The following AMPD3 variants were observed in gnomAD, a reference collection of about 807,000 sequenced individuals.
AMPD3 encodes AMP deaminase 3.
AMPD3 carries 57 observed loss-of-function variants against 82.3 expected under a neutral mutation model. The ratio of observed to expected loss-of-function variants is 0.69; its 90% CI spans 0.56 to 0.86. The LOEUF is 0.86. Ranked by LOEUF, AMPD3 falls within the 40% of genes least tolerant of loss-of-function variation. AMPD3 has a pLI of 0.00. For synonymous variants in AMPD3, 381 were observed against 394.7 expected (o/e 0.97, Z 0.41); for missense variants, 870 against 1,003.8 (o/e 0.87, Z 1.80).
chr11:10,505,733 A>G lies in AMPD3; in HGVS notation c.2153A>G (p.Asn718Ser). The change falls in exon 15 of 15, where the codon AAT becomes AGT. Residue 718 changes from asparagine (N) to serine (S), a missense_variant. Physicochemically the swap from Asn to Ser is conservative, Grantham distance 46. Coordinates refer to ENST00000396553, the MANE Select transcript of AMPD3 (RefSeq NM_001025389.2). ...GAAAAGCAAAAGTTTCTGGGACAAA[A>G]TTATTATAAAGAAGGACCTGAAGGA... ...HQEKQKFLGQNYYKEGPEGND... is the reference protein window; with the variant it reads ...HQEKQKFLGQSYYKEGPEGND... 1.2e-6 allele frequency: 2 copies of G among 1,614,026 alleles called. No individual in the cohort carries two copies. Among genetic ancestry groups the G allele is most frequent in the African/African-American group, 2.7e-5 (2 of 75,050 alleles).
rs368739491 is a variant in AMPD3, at chr11:10,455,380, C to T, written c.-74C>T. The T allele has an allele frequency of 1.0e-6, 1 of 985,296 alleles. No homozygotes were observed. The highest frequency in any genetic ancestry group is 1.2e-6 in the Non-Finnish European group (1 of 829,970). 61.0% of individuals were successfully genotyped at this position (985,296 alleles called of 1,614,324 possible). A position where few individuals can be genotyped will look rare whatever the true frequency, so the allele number is the denominator to read the frequency against. On this transcript the variant is annotated 5_prime_UTR_variant, in exon 1 of 15. Coordinates refer to ENST00000396553, the MANE Select transcript of AMPD3 (RefSeq NM_001025389.2). Reference sequence around the variant, plus strand: ...GGTCACTTGAGGCAGGCTCCACCTTCCCCAGGAGGAGTGGCAGAGTCCAGC... The same window carrying T: ...GGTCACTTGAGGCAGGCTCCACCTTTCCCAGGAGGAGTGGCAGAGTCCAGC...
intron 4 of AMPD3, 47 bp downstream of exon 4, chr11:10,482,272 A>T (rs1302597300): frequency 1.9e-6 from 3 of 1,598,770 alleles, no homozygotes; most frequent in Non-Finnish European, 2.6e-6. Context: ...GGGCAGACCG[A>T]GAGCTAGTCA....
At chr11:10,504,214 T>C in intron 13 of AMPD3, 1 of 985,240 alleles carries the variant, frequency 1.0e-6, no homozygotes, top group Non-Finnish European at 1.2e-6. Context: ...AAAGAAAAGC[T>C]AGAGGGCAAG....
chr11:10,500,549 G>T, intron 11 of AMPD3: 1 of 949,152 alleles, frequency 1.1e-6, no homozygotes, highest in Non-Finnish European at 1.3e-6. Context: ...ACATTTATAT[G>T]TACACACACC....
At chr11:10,505,582 CCTGACCAAAGAT>C in intron 14 of AMPD3, 114 bp from the exon 15 acceptor site, 1 of 1,514,306 alleles carries the variant, frequency 6.6e-7, no homozygotes. Flanking sequence ...GATAAGATGT[CCTGACCAAAGAT>C]CTGCTTCAGG....
At chr11:10,457,033 G>T (rs1027513342) in intron 1 of AMPD3, among the ~76,000 whole-genome samples, 2 of 147,212 alleles carry the variant, frequency 1.4e-5, no homozygotes, top group Non-Finnish European at 3.0e-5. Context: ...GCTGGAGTAC[G>T]GTGGTGCCAT....
intron 11 of AMPD3, 113 bp from the exon 12 acceptor site, chr11:10,501,356 CA>C: frequency 6.6e-7 from 1 of 1,519,926 alleles, no homozygotes; most frequent in Non-Finnish European, 8.8e-7. Flanking sequence ...TGGGTCAGCA[CA>C]GCTGACCATG....
In AMPD3 at chr11:10,484,951, C is replaced by A. The variant is rs1209559684; in HGVS notation, c.721C>A (p.Gln241Lys). ...TGATAACAAGAAGATGCTGGAGCAC[C>A]AGGAGCCGCACAGCCTACCCTACCC... ...VYDNKKMLEHQEPHSLPYPDL... is the reference protein window; with the variant it reads ...VYDNKKMLEHKEPHSLPYPDL... The change falls in exon 5 of 15, where the codon CAG becomes AAG. Residue 241 changes from glutamine (Q) to lysine (K), a missense_variant. By Grantham distance (53) the Gln-to-Lys change is moderately conservative. Coordinates refer to ENST00000396553, the MANE Select transcript of AMPD3 (RefSeq NM_001025389.2). 6 of 1,613,938 alleles carry A rather than the reference C, an allele frequency of 3.7e-6. No homozygotes were observed. Among genetic ancestry groups the A allele is most frequent in the Non-Finnish European group, 3.4e-6 (4 of 1,180,026 alleles).
rs753780705 is a variant in AMPD3, at chr11:10,500,120, A to C, written c.1592A>C (p.Lys531Thr). ...TTTGACAGCGTGGATGATGAGTCCA[A>C]GCACAGCGACCACATGTTTTCCGAC... The part of the protein sequence containing the change: ...TGFDSVDDES[K>T]HSDHMFSDKS... Residue 531 changes from lysine (K) to threonine (T), a missense_variant, in exon 11 of 15, where the codon AAG becomes ACG. Transcript: ENST00000396553. 1.9e-6 allele frequency: 3 copies of C among 1,614,150 alleles called. No individual in the cohort carries two copies. In the South Asian group the frequency reaches 3.3e-5, roughly 18 times the overall value.
chr11:10,500,341 T>G, intron 11 of AMPD3, 92 bp downstream of exon 11: 2 of 1,498,934 alleles, frequency 1.3e-6, no homozygotes, highest in South Asian at 2.3e-5. Context: ...ATGTGATCCT[T>G]GTGTCCGTGT....
chr11:10,494,907 G>C lies in AMPD3; in HGVS notation c.1143G>C (p.Gln381His). ...VDSLDVHAGR[Q>H]TFHRFDKFNS... The stretch of plus-strand genomic sequence containing the variant: ...GTGGTCTCCCCCCTCAGGGCCGGCA[G>C]ACATTCCACCGCTTTGACAAGTTCA... Residue 381 changes from glutamine (Q) to histidine (H), a missense_variant, in exon 8 of 15, where the codon CAG becomes CAC. Transcript: ENST00000396553. 6.2e-7 allele frequency: 1 copy of C among 1,614,178 alleles called. No individual in the cohort carries two copies. The highest frequency in any genetic ancestry group is 8.5e-7 in the Non-Finnish European group (1 of 1,180,004).
chr11:10,485,035 C>T lies in AMPD3; in HGVS notation c.805C>T (p.Pro269Ser), dbSNP rs751512356. 9.3e-6 allele frequency: 15 copies of T among 1,612,916 alleles called. No individual in the cohort carries two copies. The highest frequency in any genetic ancestry group is 1.3e-5 in the Non-Finnish European group (15 of 1,179,732). ...CATCCTGGCTCTCATCACCGATGGC[C>T]CCACGTAAGCTAGCTTCTCCGCGGC... The part of the protein sequence containing the change: ...SHILALITDG[P>S]TKTYCHRRLN... Residue 269 changes from proline (P) to serine (S), a missense_variant, in exon 5 of 15, where the codon CCC becomes TCC. Pro to Ser is a moderately conservative substitution (Grantham distance 74). Coordinates refer to ENST00000396553, the MANE Select transcript of AMPD3 (RefSeq NM_001025389.2).
intron 1 of AMPD3, among the ~76,000 whole-genome samples, chr11:10,458,993 G>A (rs1848181277): frequency 6.6e-6 from 1 of 152,066 alleles, no homozygotes; most frequent in South Asian, 2.1e-4. Context: ...AGCCTCCTGG[G>A]TCTGGTTCTT....
At chr11:10,486,286 C>A (rs1849067245) in intron 5 of AMPD3, among the ~76,000 whole-genome samples, 2 of 152,216 alleles carry the variant, frequency 1.3e-5, no homozygotes, top group African/African-American at 4.8e-5. Context: ...TGTGCTGTTG[C>A]AGTGCCGGCA....
At chr11:10,467,456 C>A (rs911099886) in intron 2 of AMPD3, among the ~76,000 whole-genome samples, 1 of 151,720 alleles carries the variant, frequency 6.6e-6, no homozygotes, top group Non-Finnish European at 1.5e-5. Flanking sequence ...AATAAGAAGA[C>A]AAGATAAGAG....
intron 9 of AMPD3, chr11:10,496,198 A>G (rs1243296358): frequency 2.0e-6 from 2 of 984,836 alleles, no homozygotes; most frequent in East Asian, 2.3e-4. Flanking sequence ...TACAGGTGTG[A>G]GCCACTGCAT....
At chr11:10,487,157 C>T (rs889400730) in intron 5 of AMPD3, 78 bp from the exon 6 acceptor site, 3 of 1,605,890 alleles carry the variant, frequency 1.9e-6, no homozygotes, top group Non-Finnish European at 2.6e-6. Context: ...AGGGTTGGCC[C>T]CTGCAGATGC....
chr11:10,465,448 T>A lies in AMPD3; in HGVS notation c.221+3708T>A, dbSNP rs573355846. On this transcript the variant is annotated intron_variant, in intron 2 of 14. Transcript: ENST00000396553. ...GGCAAGATGGCCAATTAGGAACATC[T>A]CCGGTCTGCAGCTCCCAGTGAGATC... is the stretch of plus-strand genomic sequence containing the variant. 1.3e-3 allele frequency among the ~76,000 whole-genome samples: 205 copies of A among 152,348 alleles called. 1 individual carries two copies. The highest frequency in any genetic ancestry group is 1.1e-3 in the Non-Finnish European group (76 of 68,038).
rs771210624 is a variant in AMPD3 at position 10,500,246 on chromosome 11, G to A, written c.1718G>A (p.Arg573His). The A allele has an allele frequency of 2.4e-5, 38 of 1,614,046 alleles. No individual in the cohort carries two copies. The highest frequency in any genetic ancestry group is 4.0e-5 in the African/African-American group (3 of 74,916). The change falls in exon 11 of 15, where the codon CGC (arginine) becomes CAC (histidine). Residue 573 changes from arginine (R) to histidine (H), a missense_variant. Coordinates refer to ENST00000396553, the MANE Select transcript of AMPD3 (RefSeq NM_001025389.2). The stretch of plus-strand genomic sequence containing the variant: ...AACATCATGGTGCTCAACAACCTCC[G>A]CAGGTGCGTGAGGCCTGCCCTCGCA... ...YANIMVLNNL[R>H]RERGLSTFLF...
Sources: gnomAD v4.1 joint callset for allele counts (sites outside exome capture counted in the v4.1 genomes callset) on GRCh38, gnomAD v4.1.1 for gene constraint, MANE v1.5 for transcripts, NCBI Gene and HGNC (gene_info 2026-07-23, HGNC 2026-07-21) for gene names.